The following PRKCD variants were observed in gnomAD, a reference collection of about 807,000 sequenced individuals.
The protein encoded by PRKCD is protein kinase C delta.
Under a neutral mutation model 82.2 loss-of-function variants are expected in PRKCD, and 20 were observed. The observed-to-expected ratio is 0.24, with a 90% CI of 0.17 to 0.35. PRKCD has a LOEUF of 0.35. PRKCD is among the 10% of genes least tolerant of loss of function. The probability of loss-of-function intolerance (pLI) is 1.00; values close to 1 mark genes in which losing one functional copy is unlikely to be tolerated. For synonymous variants in PRKCD, 317 were observed against 337.0 expected (o/e 0.94, Z 0.65); for missense variants, 607 against 899.0 (o/e 0.68, Z 4.15).
At position 53,192,273 on chromosome 3, in the gene PRKCD, T is replaced by G; in HGVS notation, c.*7T>G. 2 of 1,613,938 alleles carry G rather than the reference T, an allele frequency of 1.2e-6. No individual in the cohort carries two copies. Among genetic ancestry groups the G allele is most frequent in the Non-Finnish European group, 1.7e-6 (2 of 1,179,918 alleles). The stretch of plus-strand genomic sequence containing the variant: ...GCACCTCCTGGAAGATTGAGGTTCC[T>G]GGACAGATCAGGCTAGCCCTGCCCT... On this transcript the variant is annotated 3_prime_UTR_variant, in exon 19 of 19. Coordinates refer to ENST00000330452, the MANE Select transcript of PRKCD (RefSeq NM_006254.4).
intron 7 of PRKCD, 183 bp downstream of exon 7, chr3:53,181,915 C>A (rs782093708): frequency 1.2e-6 from 1 of 852,958 alleles, no homozygotes; most frequent in South Asian, 1.4e-5. Flanking sequence ...TCTGGAAAAC[C>A]AGTTCTGCGC....
At chr3:53,177,574 A>G (rs1405694166) in intron 2 of PRKCD, among the ~76,000 whole-genome samples, 2 of 152,140 alleles carry the variant, frequency 1.3e-5, no homozygotes, top group African/African-American at 4.8e-5. Context: ...AAAACCCCAA[A>G]CTTAGAAAAT....
intron 2 of PRKCD, among the ~76,000 whole-genome samples, chr3:53,165,992 G>T (rs1451170288): frequency 2.6e-5 from 4 of 152,204 alleles, no homozygotes; most frequent in African/African-American, 9.7e-5. Flanking sequence ...CTGGTGGTGG[G>T]TATGGGTGCT....
In PRKCD at chr3:53,167,635, G is replaced by A. The variant is rs541227026; in HGVS notation, c.-20+2420G>A. Among the ~76,000 whole-genome samples the A allele has an allele frequency of 5.3e-5, 8 of 152,378 alleles. No individual in the cohort carries two copies. In the South Asian group the frequency reaches 1.4e-3, roughly 28 times the overall value. On this transcript the variant is annotated intron_variant, in intron 2 of 18. Coordinates refer to ENST00000330452, the MANE Select transcript of PRKCD (RefSeq NM_006254.4). The stretch of plus-strand genomic sequence containing the variant: ...TAACATATGCAAAGTAGCTGGCATC[G>A]TGCTTAGTGCATTGTCAGAGTTGAA...
At chr3:53,179,797 G>A (rs1553666916) in intron 4 of PRKCD, 21 bp downstream of exon 4, 1 of 1,429,900 alleles carries the variant, frequency 7.0e-7, no homozygotes. Flanking sequence ...CACGAGCCGT[G>A]CCGTGTGTGT....
At chr3:53,187,317 C>G in intron 14 of PRKCD, 23 bp from the exon 15 acceptor site, 2 of 1,614,060 alleles carry the variant, frequency 1.2e-6, no homozygotes, top group South Asian at 1.1e-5. Flanking sequence ...TCCCGGAACA[C>G]TTTATCCCTC....
chr3:53,177,249 T>C (rs138554731), intron 2 of PRKCD, among the ~76,000 whole-genome samples: 1 of 152,304 alleles, frequency 6.6e-6, no homozygotes, highest in East Asian at 1.9e-4. Context: ...CTTGGCCTCC[T>C]GAAGTACCAA....
intron 15 of PRKCD, among the ~76,000 whole-genome samples, chr3:53,188,216 G>T (rs1234851044): frequency 2.7e-5 from 1 of 36,852 alleles, no homozygotes; most frequent in East Asian, 1.4e-3. Context: ...AAAAAAAAAG[G>T]TGGGAGCGAG....
rs535160715 is a variant in PRKCD at position 53,178,031 on chromosome 3, C to T, written c.-19-373C>T. 1.6e-4 allele frequency among the ~76,000 whole-genome samples: 24 copies of T among 151,260 alleles called. 1 individual carries two copies. Among genetic ancestry groups the T allele is most frequent in the Admixed American group, 1.3e-3 (20 of 15,210 alleles). On this transcript the variant is annotated intron_variant, in intron 2 of 18. Transcript: ENST00000330452. ...TGCGATCTTGGCTCACTGCAACCTC[C>T]GCCTCCCGGGTTCAAGTGATTCTCC...
intron 4 of PRKCD, among the ~76,000 whole-genome samples, chr3:53,180,918 G>T (rs1315896520): frequency 2.6e-5 from 4 of 152,138 alleles, no homozygotes; most frequent in African/African-American, 9.7e-5. Context: ...GGGTAGGGGT[G>T]GGGAATTTCC....
At chr3:53,163,830 C>A (rs1264737533) in intron 1 of PRKCD, among the ~76,000 whole-genome samples, 5 of 152,106 alleles carry the variant, frequency 3.3e-5, no homozygotes, top group African/African-American at 1.2e-4. Flanking sequence ...CCAGACAGAG[C>A]CCCCAGTACC....
intron 2 of PRKCD, among the ~76,000 whole-genome samples, chr3:53,170,397 G>T (rs1702977698): frequency 6.6e-6 from 1 of 152,228 alleles, no homozygotes; most frequent in Admixed American, 6.5e-5. Flanking sequence ...TGCTCCTGGG[G>T]TGCCCGGCTT....
intron 1 of PRKCD, among the ~76,000 whole-genome samples, chr3:53,162,380 G>A (rs1702700158): frequency 1.3e-5 from 2 of 152,154 alleles, no homozygotes; most frequent in Non-Finnish European, 2.9e-5. Context: ...GAGCCCCACC[G>A]AGCCCCGCCT....
chr3:53,165,261 C>G (rs1471712835), intron 2 of PRKCD, 46 bp downstream of exon 2: 2 of 152,532 alleles, frequency 1.3e-5, no homozygotes, highest in African/African-American at 4.8e-5. Context: ...ACCGGTGTAG[C>G]CTTCCTCTCT....
At chr3:53,186,501 G>A in intron 13 of PRKCD, 103 bp from the exon 14 acceptor site, 3 of 1,388,670 alleles carry the variant, frequency 2.2e-6, no homozygotes, top group Non-Finnish European at 3.0e-6. Context: ...CCTCAGCCAG[G>A]GCCTGTCCCT....
chr3:53,188,701 A>G lies in PRKCD; in HGVS notation c.1416-19A>G, dbSNP rs559671760. The G allele has an allele frequency of 1.3e-5, 21 of 1,613,762 alleles. No individual in the cohort carries two copies. Among genetic ancestry groups the G allele is most frequent in the Non-Finnish European group, 1.8e-5 (21 of 1,179,872 alleles). ...GAAGAAATGTCCCCTGCTGACTCTT[A>G]CCTGTCCCCTGTCCTTAGGGACCTC... On this transcript the variant is annotated intron_variant, in intron 15 of 18. Transcript: ENST00000330452.
intron 15 of PRKCD, among the ~76,000 whole-genome samples, chr3:53,187,772 C>T (rs1218601704): frequency 1.3e-5 from 2 of 152,120 alleles, no homozygotes; most frequent in Non-Finnish European, 2.9e-5. Flanking sequence ...AACTGTACAC[C>T]CACCAAAAAG....
At chr3:53,176,557 G>A (rs1266328388) in intron 2 of PRKCD, among the ~76,000 whole-genome samples, 2 of 152,276 alleles carry the variant, frequency 1.3e-5, no homozygotes, top group African/African-American at 4.8e-5. Context: ...GTGAATACAT[G>A]TGCATGTGCA....
intron 18 of PRKCD, among the ~76,000 whole-genome samples, chr3:53,191,768 T>C (rs544039502): frequency 6.6e-6 from 1 of 152,250 alleles, no homozygotes; most frequent in East Asian, 1.9e-4. Context: ...TGATTTTTTT[T>C]CCAACCATTT....
Sources: allele counts gnomAD v4.1 joint callset (sites outside exome capture counted in the v4.1 genomes callset), GRCh38; gene constraint gnomAD v4.1.1; transcripts MANE v1.5; gene names NCBI Gene and HGNC (gene_info 2026-07-23, HGNC 2026-07-21).